LINGO2: variants seen among roughly 807,000 people sequenced by gnomAD.
LINGO2 encodes leucine-rich repeat and immunoglobulin-like domain-containing nogo receptor-interacting protein 2.
A neutral mutation model predicts 30.6 loss-of-function variants in LINGO2; 14 were observed. That is an observed-to-expected ratio of 0.46 (90% CI 0.30 to 0.72). The LOEUF (loss-of-function observed/expected upper bound fraction) is 0.72. Ranked by LOEUF, LINGO2 falls within the 30% of genes least tolerant of loss-of-function variation. LINGO2 has a pLI of 0.07. For synonymous variants in LINGO2, 317 were observed against 288.5 expected (o/e 1.10, Z -1.00); for missense variants, 729 against 751.7 (o/e 0.97, Z 0.35).
chr9:28,921,623 C>T, the LINGO2 span, among the ~76,000 whole-genome samples: 11 of 152,166 alleles, frequency 7.2e-5, no homozygotes, highest in African/African-American at 1.2e-4. Flanking sequence ...GCTAAGAGAG[C>T]GGAGCAAGGA....
chr9:28,406,064 C>G (rs1660364129), intron 2 of LINGO2, among the ~76,000 whole-genome samples: 1 of 152,096 alleles, frequency 6.6e-6, no homozygotes, highest in Non-Finnish European at 1.5e-5. Context: ...TATCTTTATT[C>G]TAATTCCTTG....
chr9:28,238,240 A>G (rs1422813962), intron 4 of LINGO2, among the ~76,000 whole-genome samples: 1 of 152,084 alleles, frequency 6.6e-6, no homozygotes, highest in Non-Finnish European at 1.5e-5. Context: ...CAGGCAGAAA[A>G]TCAACGACAA....
At chr9:29,035,448 C>A in the LINGO2 span, among the ~76,000 whole-genome samples, 1 of 151,778 alleles carries the variant, frequency 6.6e-6, no homozygotes, top group Non-Finnish European at 1.5e-5. Context: ...TTCTTCAGCT[C>A]AGACTTGGAC....
chr9:28,848,854 TG>T, the LINGO2 span, among the ~76,000 whole-genome samples: 8 of 151,938 alleles, frequency 5.3e-5, no homozygotes, highest in Non-Finnish European at 8.8e-5. Flanking sequence ...CCTTCTATGA[TG>T]TGATTGTTTA....
the LINGO2 span, among the ~76,000 whole-genome samples, chr9:28,770,592 T>G: frequency 1.3e-5 from 2 of 152,192 alleles, no homozygotes; most frequent in South Asian, 2.1e-4. Flanking sequence ...CTTAGCACAT[T>G]ATTGGCTTAC....
intron 2 of LINGO2, among the ~76,000 whole-genome samples, chr9:28,436,316 A>T (rs1587671383): frequency 6.6e-6 from 1 of 152,100 alleles, no homozygotes; most frequent in Non-Finnish European, 1.5e-5. Flanking sequence ...AGTTTTAACT[A>T]TTGGCACTGA....
the LINGO2 span, among the ~76,000 whole-genome samples, chr9:29,213,568 A>C: frequency 6.6e-6 from 1 of 152,034 alleles, no homozygotes; most frequent in African/African-American, 2.4e-5. Context: ...GGGGCTTGGC[A>C]GCCGGGCTCA....
intron 4 of LINGO2, among the ~76,000 whole-genome samples, chr9:28,056,078 A>C (rs1262346085): frequency 1.3e-5 from 2 of 152,182 alleles, no homozygotes; most frequent in Non-Finnish European, 2.9e-5. Context: ...AAAAGAAAGG[A>C]GCTCCCCGCT....
chr9:28,315,381 G>C (rs930717086), intron 3 of LINGO2, among the ~76,000 whole-genome samples: 1 of 149,414 alleles, frequency 6.7e-6, no homozygotes, highest in Non-Finnish European at 1.5e-5. Context: ...CAGTCTGGGC[G>C]ACAGAGGGAG....
chr9:28,503,542 A>G (rs1040351815), intron 1 of LINGO2, among the ~76,000 whole-genome samples: 1 of 152,040 alleles, frequency 6.6e-6, no homozygotes, highest in Admixed American at 6.6e-5. Context: ...ATTTATGGGA[A>G]CAGAGCTTAC....
At chr9:28,559,999 T>C (rs926462110) in intron 1 of LINGO2, among the ~76,000 whole-genome samples, 1 of 151,636 alleles carries the variant, frequency 6.6e-6, no homozygotes. Flanking sequence ...AAAGCCTGTG[T>C]AGCCACATGC....
intron 4 of LINGO2, among the ~76,000 whole-genome samples, chr9:28,254,369 A>G (rs950858507): frequency 2.0e-5 from 3 of 152,128 alleles, no homozygotes; most frequent in Admixed American, 6.6e-5. Flanking sequence ...ATGTGCACAA[A>G]GGTTGCCCCT....
At chr9:28,633,585 G>GCAAA (rs138807050) in intron 1 of LINGO2, among the ~76,000 whole-genome samples, 1 of 152,112 alleles carries the variant, frequency 6.6e-6, no homozygotes, top group African/African-American at 2.4e-5. Context: ...ACTTTAATAA[G>GCAAA]CAAACAAACA....
intron 3 of LINGO2, among the ~76,000 whole-genome samples, chr9:28,330,285 GT>G (rs1197111713): frequency 1.4e-4 from 21 of 152,276 alleles, no homozygotes; most frequent in African/African-American, 5.1e-4. Context: ...ATAAATTTCT[GT>G]TGTTTAAGCC....
intron 3 of LINGO2, among the ~76,000 whole-genome samples, chr9:28,350,479 G>T (rs1245948401): frequency 6.7e-6 from 1 of 149,182 alleles, no homozygotes; most frequent in African/African-American, 2.5e-5. Context: ...ACCCAATACA[G>T]GAGCACCAAG....
At chr9:28,516,321 G>A (rs967078049) in intron 1 of LINGO2, among the ~76,000 whole-genome samples, 1 of 152,110 alleles carries the variant, frequency 6.6e-6, no homozygotes. Flanking sequence ...ATGATTTTGT[G>A]ATACTTCACT....
intron 2 of LINGO2, among the ~76,000 whole-genome samples, chr9:28,410,305 A>G (rs993603637): frequency 6.6e-6 from 1 of 152,134 alleles, no homozygotes; most frequent in Non-Finnish European, 1.5e-5. Flanking sequence ...TAGGATTTAC[A>G]TGAACTACTC....
chr9:28,054,177 T>C (rs1036845431), intron 4 of LINGO2, among the ~76,000 whole-genome samples: 3 of 152,082 alleles, frequency 2.0e-5, no homozygotes, highest in Admixed American at 6.6e-5. Flanking sequence ...ACATTTATTA[T>C]AAGGCATTAG....
At chr9:28,083,016 C>A (rs1162464275) in intron 4 of LINGO2, among the ~76,000 whole-genome samples, 1 of 152,164 alleles carries the variant, frequency 6.6e-6, no homozygotes, top group Admixed American at 6.6e-5. Flanking sequence ...TGTCTTTGCA[C>A]CAGTCCATGG....
Sources: allele counts gnomAD v4.1 joint callset (sites outside exome capture counted in the v4.1 genomes callset), GRCh38; gene constraint gnomAD v4.1.1; transcripts MANE v1.5; gene names NCBI Gene and HGNC (gene_info 2026-07-23, HGNC 2026-07-21).